POT1: variants seen among roughly 807,000 people sequenced by gnomAD.
POT1 encodes the protein protection of telomeres 1.
Under a neutral mutation model 78.5 loss-of-function variants are expected in POT1, and 47 were observed. The ratio of observed to expected loss-of-function variants is 0.60; its 90% confidence interval spans 0.47 to 0.76. The LOEUF (loss-of-function observed/expected upper bound fraction) is 0.76. Ranked by LOEUF, POT1 falls within the 30% of genes least tolerant of loss-of-function variation. POT1 has a pLI of 0.00. For synonymous variants in POT1, 259 were observed against 260.7 expected (o/e 0.99, Z 0.06); for missense variants, 646 against 749.9 (o/e 0.86, Z 1.62).
chr7:124,846,485 A>G (rs997954724), intron 12 of POT1, among the ~76,000 whole-genome samples: 4 of 152,028 alleles, frequency 2.6e-5, no homozygotes, highest in African/African-American at 7.2e-5. Flanking sequence ...CTTGATAGAC[A>G]CACTATCATT....
Position 124,863,713 on chromosome 7 carries a change from G to C in POT1, c.256-73C>G, listed in dbSNP as rs1290714785. On this transcript the variant is annotated intron_variant, in intron 7 of 18. Transcript: ENST00000357628. The stretch of plus-strand genomic sequence containing the variant: ...ACTGATGCACAACCTACGAACCAAA[G>C]AAACTGGAAAGATTATCAATTTTGC... The C allele has an allele frequency of 1.2e-5, 14 of 1,166,688 alleles. No homozygotes were observed. In the Admixed American group the frequency reaches 2.6e-4, roughly 21 times the overall value. 72.3% of individuals were successfully genotyped at this position (1,166,688 alleles called of 1,614,324 possible).
In POT1 at chr7:124,877,840, C is replaced by CAAAAAAAAAAAAA. The variant is rs201285982; in HGVS notation, c.125-6812_125-6800dup. ...TGGGCGACAGAGAGAGATTCTGTCTCAAAAAAAAAAAAAAAAAAAAAAAAA... is the reference window on the plus strand; with the variant it reads ...TGGGCGACAGAGAGAGATTCTGTCTCAAAAAAAAAAAAAAAAAAAAAAAAAAAAAAAAAAAAAA... On this transcript the variant is annotated intron_variant, in intron 6 of 18. Transcript: ENST00000357628. 6.2e-3 allele frequency among the ~76,000 whole-genome samples: 503 copies of CAAAAAAAAAAAAA among 80,494 alleles called. 55 individuals carry two copies. The highest frequency in any genetic ancestry group is 0.01 in the Non-Finnish European group (387 of 36,890). The allele number at this position is 80,494 out of a possible 152,430, so 52.8% of individuals were successfully genotyped here.
intron 10 of POT1, 76 bp from the exon 11 acceptor site, chr7:124,852,027 C>T: frequency 1.0e-6 from 1 of 963,064 alleles, no homozygotes; most frequent in Non-Finnish European, 1.6e-6. Context: ...CCCACAAAAT[C>T]CAGAAATTCA....
chr7:124,909,597 T>A (rs950108256), intron 3 of POT1, among the ~76,000 whole-genome samples: 2 of 151,890 alleles, frequency 1.3e-5, no homozygotes, highest in Non-Finnish European at 1.5e-5. Context: ...AGTCTTCACA[T>A]CATTATATTT....
chr7:124,917,341 A>T (rs1247978989), intron 2 of POT1, among the ~76,000 whole-genome samples: 2 of 152,150 alleles, frequency 1.3e-5, no homozygotes, highest in Non-Finnish European at 2.9e-5. Context: ...AAGACAAGAG[A>T]AAAATCCTCT....
intron 5 of POT1, among the ~76,000 whole-genome samples, chr7:124,894,134 C>T (rs1296466687): frequency 2.0e-5 from 3 of 151,584 alleles, no homozygotes; most frequent in Non-Finnish European, 4.4e-5. Flanking sequence ...ATACCTATCA[C>T]TCTGAGAGTT....
At chr7:124,928,388 T>G (rs1797327063) in intron 2 of POT1, among the ~76,000 whole-genome samples, 1 of 152,162 alleles carries the variant, frequency 6.6e-6, no homozygotes. Flanking sequence ...AAGGACTGCT[T>G]TTTACCTCAA....
At chr7:124,826,543 C>T (rs988751130) in intron 17 of POT1, among the ~76,000 whole-genome samples, 3 of 152,104 alleles carry the variant, frequency 2.0e-5, no homozygotes, top group African/African-American at 7.2e-5. Context: ...GTTAAAGTAA[C>T]TTCATTCCTC....
At chr7:124,896,067 T>C (rs1796484115) in intron 5 of POT1, among the ~76,000 whole-genome samples, 1 of 151,720 alleles carries the variant, frequency 6.6e-6, no homozygotes. Flanking sequence ...TTTAATACTA[T>C]ATTCTCAAAA....
chr7:124,888,096 C>G (rs1796288042), intron 6 of POT1, among the ~76,000 whole-genome samples: 2 of 152,066 alleles, frequency 1.3e-5, no homozygotes, highest in Admixed American at 6.6e-5. Flanking sequence ...CCAGAACATT[C>G]AGTTTCAGGT....
intron 12 of POT1, among the ~76,000 whole-genome samples, chr7:124,845,682 C>T (rs1433328120): frequency 6.6e-6 from 1 of 151,906 alleles, no homozygotes; most frequent in Admixed American, 6.6e-5. Context: ...TCACAACTAA[C>T]TCAACAATGA....
At chr7:124,924,392 T>G (rs150733739) in intron 2 of POT1, among the ~76,000 whole-genome samples, 1 of 151,900 alleles carries the variant, frequency 6.6e-6, no homozygotes, top group African/African-American at 2.4e-5. Flanking sequence ...AATGGATAAA[T>G]TGCTGGAAAC....
At chr7:124,917,065 T>C (rs549192701) in intron 2 of POT1, among the ~76,000 whole-genome samples, 44 of 152,178 alleles carry the variant, frequency 2.9e-4, no homozygotes, top group Non-Finnish European at 4.7e-4. Flanking sequence ...CTGTTAGGGA[T>C]GGGCAGGAAC....
chr7:124,899,631 T>C (rs1032534561), intron 3 of POT1, among the ~76,000 whole-genome samples: 4 of 152,138 alleles, frequency 2.6e-5, no homozygotes, highest in Admixed American at 6.5e-5. Flanking sequence ...TCTGATTAAA[T>C]GAAAACTTGA....
In POT1 at chr7:124,917,957, G is replaced by A. The variant is rs148724332; in HGVS notation, c.-226-2311C>T. 3.9e-3 allele frequency among the ~76,000 whole-genome samples: 595 copies of A among 152,168 alleles called. 4 individuals are homozygous for A. Among genetic ancestry groups the A allele is most frequent in the African/African-American group, 0.012 (494 of 41,538 alleles). On this transcript the variant is annotated intron_variant, in intron 2 of 18. Transcript: ENST00000357628. ...GGGAGGGGAGGCATTAATCATCTTT[G>A]TCTTTCAGAACTCCAGGAACCTCCT...
chr7:124,913,802 T>C (rs1196571341), intron 3 of POT1, among the ~76,000 whole-genome samples: 1 of 152,156 alleles, frequency 6.6e-6, no homozygotes, highest in Non-Finnish European at 1.5e-5. Flanking sequence ...CTTCTTCTTA[T>C]TTAACTGTTT....
intron 3 of POT1, among the ~76,000 whole-genome samples, chr7:124,906,007 T>C (rs10206717): frequency 0.59 from 90,319 of 151,922 alleles, 27,001 homozygotes; most frequent in African/African-American, 0.65. Context: ...GGAGAGGATG[T>C]GGAGAAATAG....
At chr7:124,922,055 A>G (rs1320205009) in intron 2 of POT1, among the ~76,000 whole-genome samples, 1 of 152,040 alleles carries the variant, frequency 6.6e-6, no homozygotes, top group Non-Finnish European at 1.5e-5. Flanking sequence ...AAAAATGCAA[A>G]TCACATACGA....
rs1161774277 is a variant in POT1 at position 124,859,096 on chromosome 7, C to G, written c.563G>C (p.Arg188Thr). The change falls in exon 9 of 19, where the codon AGG becomes ACG. Residue 188 changes from arginine to threonine, a missense_variant. Physicochemically the swap from Arg to Thr is moderately conservative, Grantham distance 71. This residue lies in a region of POT1 where 252 missense variants were observed against 341.4 expected (regional missense o/e 0.74). Transcript: ENST00000357628. ...SFLLKVWDGT[R>T]TPFPSWRVLI... Reference sequence around the variant, plus strand: ...GACTCTCCAAGATGGAAATGGTGTCCTGGTGCCATCCCATACCTGCCATAA... The same window carrying G: ...GACTCTCCAAGATGGAAATGGTGTCGTGGTGCCATCCCATACCTGCCATAA... The G allele has an allele frequency of 1.9e-6, 3 of 1,596,348 alleles. No individual in the cohort carries two copies. Among genetic ancestry groups the G allele is most frequent in the Admixed American group, 3.4e-5 (2 of 58,838 alleles).
Sources: allele counts gnomAD v4.1 joint callset (sites outside exome capture counted in the v4.1 genomes callset), GRCh38; gene constraint gnomAD v4.1.1; regional missense constraint gnomAD v4.1.1; transcripts MANE v1.5; gene names NCBI Gene and HGNC (gene_info 2026-07-23, HGNC 2026-07-21).